Variants in PPP4R4 observed in about 807,000 individuals in gnomAD.
The protein encoded by PPP4R4 is protein phosphatase 4 regulatory subunit 4.
PPP4R4 carries 70 observed loss-of-function variants against 121.8 expected under a neutral mutation model. The ratio of observed to expected loss-of-function variants is 0.57; its 90% CI spans 0.47 to 0.70. The LOEUF (loss-of-function observed/expected upper bound fraction) is 0.70, where lower values mean the gene tolerates loss of function less well. Among genes scored for constraint, PPP4R4 ranks in the 30% least tolerant of loss-of-function variants. The pLI, the probability that PPP4R4 is intolerant of heterozygous loss-of-function variation, is 0.00. For missense variants in PPP4R4, 875 were observed against 1,033.6 expected, an observed-to-expected ratio of 0.85 and a Z score of 2.10; for synonymous variants, 348 against 355.7, an observed-to-expected ratio of 0.98 and a Z score of 0.24.
At chr14:94,254,235 C>T (rs1893345648) in intron 16 of PPP4R4, among the ~76,000 whole-genome samples, 1 of 151,996 alleles carries the variant, frequency 6.6e-6, no homozygotes, top group African/African-American at 2.4e-5. Flanking sequence ...TCTAGACATG[C>T]CTTGGGTTAT....
intron 9 of PPP4R4, among the ~76,000 whole-genome samples, 181 bp downstream of exon 9, chr14:94,240,976 A>G (rs931104290): frequency 1.3e-5 from 2 of 152,112 alleles, no homozygotes; most frequent in African/African-American, 4.8e-5. Flanking sequence ...TGACTTTTTC[A>G]CCAATAGAAC....
rs765545762 is a variant in PPP4R4, at chr14:94,208,616, A to G, written c.294+50A>G. The G allele has an allele frequency of 4.4e-5, 64 of 1,449,872 alleles. No homozygotes were observed. The African/African-American group carries it at 8.4e-4, about 19-fold the overall frequency. The allele number at this position is 1,449,872 out of a possible 1,614,324, so 89.8% of individuals were successfully genotyped here. A position where few individuals can be genotyped will look rare whatever the true frequency, so the allele number is the denominator to read the frequency against. ...GAGTTTCCCATTTTTTCCCAGTAGC[A>G]TGTTGTCATTGTTGAAAGGATTTTG... On this transcript the variant is annotated intron_variant, in intron 3 of 24. Coordinates refer to ENST00000304338, the MANE Select transcript of PPP4R4 (RefSeq NM_058237.2).
Position 94,201,680 on chromosome 14 carries a change from T to C in PPP4R4, c.192-6784T>C, listed in dbSNP as rs192968371. ...ACCGTTTGCATGGAATATCTTTTTC[T>C]ACCCCTTTACCTTAAGTTTATGTGA... On this transcript the variant is annotated intron_variant, in intron 2 of 24. Coordinates refer to ENST00000304338, the MANE Select transcript of PPP4R4 (RefSeq NM_058237.2). Among the ~76,000 whole-genome samples, 16 of 152,284 alleles carry C rather than the reference T, an allele frequency of 1.1e-4. No homozygotes were observed. The East Asian group carries it at 2.7e-3, about 26-fold the overall frequency.
At chr14:94,265,980 T>G in intron 22 of PPP4R4, 93 bp downstream of exon 22, 1 of 931,436 alleles carries the variant, frequency 1.1e-6, no homozygotes, top group Non-Finnish European at 1.5e-6. Context: ...AAATCAGAAT[T>G]AATTTTGAGG....
intron 3 of PPP4R4, among the ~76,000 whole-genome samples, chr14:94,222,313 CTT>C (rs1004993741): frequency 1.3e-5 from 2 of 151,712 alleles, no homozygotes; most frequent in Non-Finnish European, 2.9e-5. Flanking sequence ...GTTACAGACT[CTT>C]TTACTTTTCT....
chr14:94,265,257 A>G, intron 20 of PPP4R4, 130 bp from the exon 21 acceptor site: 1 of 670,646 alleles, frequency 1.5e-6, no homozygotes, highest in Non-Finnish European at 2.6e-6. Flanking sequence ...ATTACCAAGT[A>G]AGAATATTTG....
intron 23 of PPP4R4, among the ~76,000 whole-genome samples, chr14:94,274,325 T>C (rs1174063700): frequency 6.6e-6 from 1 of 151,802 alleles, no homozygotes; most frequent in Non-Finnish European, 1.5e-5. Flanking sequence ...GGCTTTGAAA[T>C]AGAGCATTAA....
chr14:94,217,909 G>A (rs1421010990), intron 3 of PPP4R4, among the ~76,000 whole-genome samples: 6 of 152,138 alleles, frequency 3.9e-5, no homozygotes, highest in Non-Finnish European at 5.9e-5. Context: ...CAGGAGAATC[G>A]CTTGAACCCG....
intron 8 of PPP4R4, among the ~76,000 whole-genome samples, chr14:94,239,943 A>C (rs1411732602): frequency 1.3e-5 from 2 of 152,214 alleles, no homozygotes; most frequent in African/African-American, 4.8e-5. Context: ...AAAATAGTAG[A>C]TATGGCACCG....
intron 24 of PPP4R4, among the ~76,000 whole-genome samples, chr14:94,276,987 G>A (rs1206659345): frequency 6.6e-6 from 1 of 152,092 alleles, no homozygotes; most frequent in Non-Finnish European, 1.5e-5. Context: ...ATGATTATAC[G>A]ATGGAAGTTC....
In PPP4R4 at chr14:94,259,311, A is replaced by G. The variant is rs755301128; in HGVS notation, c.2069A>G (p.Tyr690Cys). ...TTTAAACAGTTTCAGAAAAAGTTTT[A>G]TGAGAAAGATTTGTTGGATCAAGAG... is the stretch of plus-strand genomic sequence containing the variant. The part of the protein sequence containing the change: ...MSMDAFQKKF[Y>C]EKDLLDQEKE... Residue 690 changes from tyrosine (Y) to cysteine (C), a missense_variant, in exon 19 of 25, where the codon TAT (tyrosine) becomes TGT (cysteine). Tyr to Cys is a radical substitution (Grantham distance 194, BLOSUM62 -2). Transcript: ENST00000304338. The G allele has an allele frequency of 1.9e-6, 3 of 1,606,900 alleles. No homozygotes were observed. The highest frequency in any genetic ancestry group is 2.2e-5 in the South Asian group (2 of 89,870).
rs1894798501 is a variant in PPP4R4 at position 94,279,098 on chromosome 14, A to G, written c.*455A>G. On this transcript the variant is annotated 3_prime_UTR_variant, in exon 25 of 25. Coordinates refer to ENST00000304338, the MANE Select transcript of PPP4R4 (RefSeq NM_058237.2). Reference sequence around the variant, plus strand: ...ACTTGGAAGGTGAGAAAGATACTGCATTTTCTCATGAGTCTCCAAGCCCAC... The same window carrying G: ...ACTTGGAAGGTGAGAAAGATACTGCGTTTTCTCATGAGTCTCCAAGCCCAC... The G allele has an allele frequency of 6.6e-6, 1 of 152,324 alleles. No homozygotes were observed. Among genetic ancestry groups the G allele is most frequent in the African/African-American group, 2.4e-5 (1 of 41,418 alleles). The allele number at this position is 152,324 out of a possible 1,614,324, so 9.4% of individuals were successfully genotyped here. A position where few individuals can be genotyped will look rare whatever the true frequency, so the allele number is the denominator to read the frequency against.
chr14:94,217,409 C>T (rs1204851142), intron 3 of PPP4R4, among the ~76,000 whole-genome samples: 1 of 152,194 alleles, frequency 6.6e-6, no homozygotes, highest in African/African-American at 2.4e-5. Flanking sequence ...AACAGCCTAG[C>T]AGAGGTGGAA....
chr14:94,175,046 A>G (rs1038799729), intron 1 of PPP4R4, among the ~76,000 whole-genome samples: 3 of 108,436 alleles, frequency 2.8e-5, no homozygotes, highest in Non-Finnish European at 3.6e-5. Context: ...GGGCTCCCCA[A>G]CCTCTGGTCC....
intron 2 of PPP4R4, among the ~76,000 whole-genome samples, chr14:94,204,034 A>G (rs1890332255): frequency 6.6e-6 from 1 of 152,082 alleles, no homozygotes; most frequent in Admixed American, 6.6e-5. Flanking sequence ...AAAAGTTTTA[A>G]ATTTTGATGA....
At chr14:94,200,805 A>ATT (rs112877757) in intron 2 of PPP4R4, among the ~76,000 whole-genome samples, 2 of 145,112 alleles carry the variant, frequency 1.4e-5, no homozygotes, top group African/African-American at 5.0e-5. Context: ...TATCTTTTGT[A>ATT]TTTTTTTTTT....
chr14:94,189,719 T>G (rs968381198), intron 2 of PPP4R4, among the ~76,000 whole-genome samples: 1 of 152,214 alleles, frequency 6.6e-6, no homozygotes, highest in Non-Finnish European at 1.5e-5. Flanking sequence ...AAACTGCATT[T>G]ATCACTTTTT....
At chr14:94,252,497 C>T (rs1893241212) in intron 16 of PPP4R4, among the ~76,000 whole-genome samples, 1 of 150,940 alleles carries the variant, frequency 6.6e-6, no homozygotes, top group African/African-American at 2.4e-5. Flanking sequence ...ACATCACTTC[C>T]TTTTTTTTTA....
intron 2 of PPP4R4, among the ~76,000 whole-genome samples, chr14:94,185,552 C>T (rs1889227173): frequency 6.6e-6 from 1 of 152,108 alleles, no homozygotes; most frequent in Admixed American, 6.6e-5. Flanking sequence ...ATCTTCATTG[C>T]AGGATTGTTG....
Sources: gnomAD v4.1 joint callset for allele counts (sites outside exome capture counted in the v4.1 genomes callset) on GRCh38, gnomAD v4.1.1 for gene constraint, MANE v1.5 for transcripts, NCBI Gene and HGNC (gene_info 2026-07-23, HGNC 2026-07-21) for gene names.